The following ANKRD36C variants were observed in gnomAD, a reference collection of about 807,000 sequenced individuals.
ANKRD36C encodes the protein ankyrin repeat domain 36C.
A neutral mutation model predicts 276.4 loss-of-function variants in ANKRD36C; 61 were observed. The observed-to-expected ratio is 0.22, with a 90% confidence interval of 0.18 to 0.27. The LOEUF is 0.27. Among genes scored for constraint, ANKRD36C ranks in the 10% least tolerant of loss-of-function variants. The pLI is 1.00. For missense variants in ANKRD36C, 1,447 were observed against 2,032.3 expected (o/e 0.71, Z 5.54); for synonymous variants, 483 against 680.1 (o/e 0.71, Z 4.51).
chr2:95,861,234 A>G (rs1675572148), intron 60 of ANKRD36C, among the ~76,000 whole-genome samples: 1 of 152,118 alleles, frequency 6.6e-6, no homozygotes, highest in Admixed American at 6.6e-5. Context: ...TAGAGACGCA[A>G]ATTACATTGT....
intron 46 of ANKRD36C, among the ~76,000 whole-genome samples, chr2:95,891,063 C>T (rs1252517089): frequency 3.3e-5 from 5 of 151,476 alleles, no homozygotes; most frequent in South Asian, 4.1e-4. Context: ...TTCCTGCTTC[C>T]AGTAGTTCCT....
At chr2:95,886,472 G>T (rs1222808826) in intron 50 of ANKRD36C, among the ~76,000 whole-genome samples, 1 of 151,496 alleles carries the variant, frequency 6.6e-6, no homozygotes, top group Admixed American at 6.6e-5. Context: ...AGTATGATTT[G>T]TCATATGACT....
At chr2:95,925,240 C>T (rs528777119) in intron 30 of ANKRD36C, 112 bp downstream of exon 30, 12 of 1,500,626 alleles carry the variant, frequency 8.0e-6, no homozygotes, top group Middle Eastern at 4.8e-4. Context: ...CAATCTCAGG[C>T]CTGCTTAATC....
intron 40 of ANKRD36C, 36 bp downstream of exon 42, chr2:95,914,072 G>C (rs778570702): frequency 1.3e-6 from 2 of 1,522,806 alleles, no homozygotes; most frequent in African/African-American, 2.8e-5. Flanking sequence ...TATCTATCTC[G>C]ACTGATCATG....
chr2:95,937,176 G>A (rs911051375), intron 22 of ANKRD36C, among the ~76,000 whole-genome samples: 3 of 152,292 alleles, frequency 2.0e-5, no homozygotes, highest in African/African-American at 7.2e-5. Flanking sequence ...TATGTGTTAT[G>A]TGTTCCAGAT....
rs550529928 is a variant in ANKRD36C, at chr2:95,853,957, T to C, written c.4996-96A>G. ...TCTAAAGCATACGCTTTGAAAAATA[T>C]CACCACACAGACCGATTCACCTTCT... On this transcript the variant is annotated intron_variant, in intron 63 of 66. Coordinates refer to ENST00000456556, the Ensembl canonical transcript of ANKRD36C. The C allele has an allele frequency of 6.2e-6, 9 of 1,452,276 alleles. No homozygotes were observed. The South Asian group carries it at 8.3e-5, about 13-fold the overall frequency. The allele number at this position is 1,452,276 out of a possible 1,614,324, so 90.0% of individuals were successfully genotyped here. A position where few individuals can be genotyped will look rare whatever the true frequency, so the allele number is the denominator to read the frequency against.
chr2:95,892,740 AAAG>A (rs1433144052), intron 44 of ANKRD36C, among the ~76,000 whole-genome samples: 2 of 151,246 alleles, frequency 1.3e-5, no homozygotes, highest in African/African-American at 4.8e-5. Flanking sequence ...GTTGTTCTCT[AAAG>A]AAGTTTCATG....
intron 10 of ANKRD36C, among the ~76,000 whole-genome samples, chr2:95,959,994 T>C (rs1452816542): frequency 6.6e-6 from 1 of 152,176 alleles, no homozygotes; most frequent in Non-Finnish European, 1.5e-5. Flanking sequence ...TTTTCCCTTC[T>C]TCCTGCCTCA....
chr2:95,853,806 G>A, exon 64 of ANKRD36C: 4 of 1,608,084 alleles, frequency 2.5e-6, no homozygotes, highest in Non-Finnish European at 3.4e-6. Context: ...AGCTTTTGTT[G>A]CTGATCGTTT....
chr2:95,944,597 A>T, intron 19 of ANKRD36C, 30 bp downstream of exon 19: 5 of 1,531,830 alleles, frequency 3.3e-6, no homozygotes, highest in Non-Finnish European at 4.4e-6. Flanking sequence ...TGATTATTCT[A>T]TGTTGGCTTT....
At chr2:95,860,881 T>C (rs1675559646) in intron 60 of ANKRD36C, among the ~76,000 whole-genome samples, 1 of 152,054 alleles carries the variant, frequency 6.6e-6, no homozygotes, top group African/African-American at 2.4e-5. Context: ...CCCTCTTGGG[T>C]ATTTAGTGGA....
intron 1 of ANKRD36C, 134 bp from the exon 2 acceptor site, chr2:95,987,340 T>C (rs1047400843): frequency 1.4e-6 from 2 of 1,387,576 alleles, no homozygotes; most frequent in East Asian, 5.0e-5. Context: ...ACCACATTAA[T>C]GAAAGAGCAG....
intron 17 of ANKRD36C, among the ~76,000 whole-genome samples, chr2:95,946,156 G>GAAAAA (rs56964568): frequency 0.048 from 3,511 of 73,262 alleles, 362 homozygotes; most frequent in Admixed American, 0.096. Flanking sequence ...ACAGAGAGAG[G>GAAAAA]AAAAAAAAAA....
chr2:95,881,129 G>A (rs953927044), intron 56 of ANKRD36C, among the ~76,000 whole-genome samples: 1 of 152,086 alleles, frequency 6.6e-6, no homozygotes, highest in Non-Finnish European at 1.5e-5. Context: ...TGTCTTCAGT[G>A]TAAGTGTCCT....
intron 10 of ANKRD36C, among the ~76,000 whole-genome samples, chr2:95,960,124 C>T (rs1263603766): frequency 5.9e-5 from 9 of 152,078 alleles, no homozygotes; most frequent in South Asian, 2.1e-4. Flanking sequence ...TGTGATCAGG[C>T]GCCTATAATT....
At chr2:95,874,440 A>T (rs1024556760) in intron 59 of ANKRD36C, among the ~76,000 whole-genome samples, 1 of 152,244 alleles carries the variant, frequency 6.6e-6, no homozygotes, top group East Asian at 1.9e-4. Flanking sequence ...AGGATTCCCT[A>T]TTTAATAAAT....
intron 44 of ANKRD36C, 42 bp from the exon 60 acceptor site, chr2:95,897,384 G>A (rs2104370348): frequency 6.5e-7 from 1 of 1,549,772 alleles, no homozygotes; most frequent in Non-Finnish European, 8.7e-7. Context: ...AATAAAGTAT[G>A]TTTCATAGAC....
chr2:95,962,396 G>A (rs572181859), exon 8 of ANKRD36C: 38 of 1,567,102 alleles, frequency 2.4e-5, no homozygotes, highest in Admixed American at 1.5e-4. Context: ...GGCTATATTC[G>A]AGATAGAATC....
rs530591808 is a variant in ANKRD36C at position 95,882,522 on chromosome 2, T to A, written c.3266-25A>T. The A allele has an allele frequency of 4.7e-5, 73 of 1,550,796 alleles. No individual in the cohort carries two copies. In the South Asian group the frequency reaches 6.3e-4, roughly 13 times the overall value. ...ACTGAAAAGTAAAAGAAATATATAA[T>A]CCATCATATGTAAATATGATAAAGT... On this transcript the variant is annotated intron_variant, in intron 54 of 66. Transcript: ENST00000456556.
Sources: allele counts gnomAD v4.1 joint callset (sites outside exome capture counted in the v4.1 genomes callset), GRCh38; gene constraint gnomAD v4.1.1; transcripts MANE v1.5; gene names NCBI Gene and HGNC (gene_info 2026-07-23, HGNC 2026-07-21).